Variants in GRM7 observed in about 807,000 individuals in gnomAD.
GRM7 encodes the protein glutamate metabotropic receptor 7.
GRM7 carries 35 observed loss-of-function variants against 84.5 expected under a neutral mutation model. The ratio of observed to expected loss-of-function variants is 0.41; its 90% CI spans 0.32 to 0.55. The LOEUF (loss-of-function observed/expected upper bound fraction) is 0.55, where lower values mean the gene tolerates loss of function less well. GRM7 is among the 20% of genes least tolerant of loss of function. GRM7 has a pLI of 0.19. For synonymous variants in GRM7, 487 were observed against 455.1 expected (o/e 1.07, Z -0.89); for missense variants, 1,003 against 1,194.6 (o/e 0.84, Z 2.36).
intron 2 of GRM7, among the ~76,000 whole-genome samples, chr3:7,177,587 T>G (rs1695197295): frequency 1.4e-5 from 2 of 143,970 alleles, no homozygotes; most frequent in Non-Finnish European, 1.5e-5. Context: ...GGCGACAGAG[T>G]GACATGGAGG....
intron 2 of GRM7, among the ~76,000 whole-genome samples, chr3:7,195,379 C>T (rs1695845143): frequency 6.6e-6 from 1 of 151,916 alleles, no homozygotes; most frequent in Admixed American, 6.6e-5. Context: ...TATCAGGCAC[C>T]CCAATTCAAA....
At chr3:6,871,959 G>A (rs188027480) in intron 1 of GRM7, among the ~76,000 whole-genome samples, 16 of 152,012 alleles carry the variant, frequency 1.1e-4, no homozygotes, top group Admixed American at 1.0e-3. Flanking sequence ...AGGCATCCTA[G>A]CTCCCTCTCC....
chr3:7,311,246 C>A (rs1434475189), intron 4 of GRM7, among the ~76,000 whole-genome samples: 1 of 152,128 alleles, frequency 6.6e-6, no homozygotes, highest in Non-Finnish European at 1.5e-5. Flanking sequence ...CTTTGAGAGA[C>A]AACTTCTTCT....
At chr3:7,496,954 ATAAAAAT>A (rs1699725086) in intron 7 of GRM7, among the ~76,000 whole-genome samples, 2 of 152,144 alleles carry the variant, frequency 1.3e-5, no homozygotes, top group South Asian at 4.2e-4. Flanking sequence ...ATATCGAAAA[ATAAAAAT>A]TAAAGAATAA....
At chr3:7,020,160 C>A (rs1036959892) in intron 1 of GRM7, among the ~76,000 whole-genome samples, 5 of 152,120 alleles carry the variant, frequency 3.3e-5, no homozygotes, top group African/African-American at 1.2e-4. Flanking sequence ...ATAGATTTTT[C>A]TCTAAAAAAT....
chr3:7,493,296 T>G (rs562883745), intron 7 of GRM7, among the ~76,000 whole-genome samples: 2 of 152,200 alleles, frequency 1.3e-5, no homozygotes, highest in Admixed American at 1.3e-4. Flanking sequence ...GATTTGTCTA[T>G]TATTCTTTTC....
At chr3:7,261,153 G>T (rs913568221) in intron 2 of GRM7, among the ~76,000 whole-genome samples, 1 of 152,070 alleles carries the variant, frequency 6.6e-6, no homozygotes, top group Non-Finnish European at 1.5e-5. Flanking sequence ...CATCCTCCTT[G>T]TGGATCTCCC....
At chr3:7,242,092 C>T (rs1328869776) in intron 2 of GRM7, among the ~76,000 whole-genome samples, 3 of 152,110 alleles carry the variant, frequency 2.0e-5, no homozygotes, top group Admixed American at 6.6e-5. Flanking sequence ...ACTTATAACC[C>T]CTTTTTGTGC....
chr3:7,096,420 A>T (rs1359713191), intron 1 of GRM7, among the ~76,000 whole-genome samples: 1 of 152,158 alleles, frequency 6.6e-6, no homozygotes, highest in Non-Finnish European at 1.5e-5. Flanking sequence ...TCCAGAACTC[A>T]AGAAAGTGCT....
intron 1 of GRM7, among the ~76,000 whole-genome samples, chr3:6,981,126 G>A (rs1371898093): frequency 6.6e-6 from 1 of 152,046 alleles, no homozygotes; most frequent in African/African-American, 2.4e-5. Flanking sequence ...TTCAGATAAG[G>A]TTTAACCAAA....
At chr3:7,442,516 T>A (rs1575342093) in intron 5 of GRM7, among the ~76,000 whole-genome samples, 1 of 152,096 alleles carries the variant, frequency 6.6e-6, no homozygotes, top group Admixed American at 6.6e-5. Flanking sequence ...TAAACTTTGA[T>A]AAAACTGATG....
rs5846535 is a variant in GRM7 at position 7,713,124 on chromosome 3, GTTT to G, written c.2699-27207_2699-27205del. Among the ~76,000 whole-genome samples the G allele has an allele frequency of 5.4e-3, 522 of 96,862 alleles. 1 individual carries two copies. The highest frequency in any genetic ancestry group is 0.026 in the East Asian group (109 of 4,218). 63.5% of individuals were successfully genotyped at this position (96,862 alleles called of 152,430 possible). A position where few individuals can be genotyped will look rare whatever the true frequency, so the allele number is the denominator to read the frequency against. On this transcript the variant is annotated intron_variant, in intron 9 of 9. Coordinates refer to ENST00000357716, the MANE Select transcript of GRM7 (RefSeq NM_000844.4). Reference sequence around the variant, plus strand: ...ATAGAGAGGATTCGAATTTTGTTTTGTTTTTTTTTTTTTTTTTTTTTTTTTTTT... The same window carrying G: ...ATAGAGAGGATTCGAATTTTGTTTTGTTTTTTTTTTTTTTTTTTTTTTTTT...
At chr3:7,713,103 A>C (rs1350592402) in intron 9 of GRM7, among the ~76,000 whole-genome samples, 1 of 146,818 alleles carries the variant, frequency 6.8e-6, no homozygotes, top group Non-Finnish European at 1.5e-5. Context: ...TCACAGATAG[A>C]GAGGATTCGA....
intron 7 of GRM7, among the ~76,000 whole-genome samples, chr3:7,568,546 T>C (rs1694445629): frequency 6.6e-6 from 1 of 152,216 alleles, no homozygotes; most frequent in Non-Finnish European, 1.5e-5. Flanking sequence ...AGCCCTTTTC[T>C]GGGCTGGCCA....
intron 4 of GRM7, among the ~76,000 whole-genome samples, chr3:7,382,639 A>T (rs1694634474): frequency 6.6e-6 from 1 of 152,260 alleles, no homozygotes; most frequent in Admixed American, 6.5e-5. Context: ...ATAAAAAGGG[A>T]AAACAATAGA....
At chr3:7,463,271 G>T (rs887085607) in intron 7 of GRM7, among the ~76,000 whole-genome samples, 2 of 152,212 alleles carry the variant, frequency 1.3e-5, no homozygotes, top group East Asian at 1.9e-4. Context: ...ATCCGTAAGA[G>T]TTCCCAAGTA....
chr3:7,004,071 A>G (rs1037010260), intron 1 of GRM7, among the ~76,000 whole-genome samples: 2 of 152,178 alleles, frequency 1.3e-5, no homozygotes, highest in Admixed American at 6.5e-5. Flanking sequence ...TTCCCCCAGA[A>G]TAAGTGATCC....
At chr3:6,958,790 G>A (rs962802000) in intron 1 of GRM7, among the ~76,000 whole-genome samples, 2 of 152,080 alleles carry the variant, frequency 1.3e-5, no homozygotes, top group Non-Finnish European at 2.9e-5. Context: ...AAATCTATTT[G>A]ATACCTACTT....
chr3:7,544,087 C>A (rs1372510392), intron 7 of GRM7, among the ~76,000 whole-genome samples: 1 of 152,138 alleles, frequency 6.6e-6, no homozygotes, highest in Non-Finnish European at 1.5e-5. Flanking sequence ...AGATAGGACC[C>A]CAGTACTACT....
Sources: allele counts gnomAD v4.1 joint callset (sites outside exome capture counted in the v4.1 genomes callset), GRCh38; gene constraint gnomAD v4.1.1; transcripts MANE v1.5; gene names NCBI Gene and HGNC (gene_info 2026-07-23, HGNC 2026-07-21).